Variants in DNA2 observed in about 807,000 individuals in gnomAD.
The protein encoded by DNA2 is DNA replication helicase/nuclease 2, also known as DNA replication ATP-dependent helicase/nuclease DNA2.
In DNA2, 101 loss-of-function variants were observed where a neutral mutation model predicts 119.1. The observed-to-expected ratio is 0.85, with a 90% CI of 0.72 to 1.00. The LOEUF (loss-of-function observed/expected upper bound fraction) is 1.00. Ranked by LOEUF, DNA2 falls within the 50% of genes least tolerant of loss-of-function variation. The pLI, the probability that DNA2 is intolerant of heterozygous loss-of-function variation, is 0.00. For synonymous variants in DNA2, 366 were observed against 424.4 expected (o/e 0.86, Z 1.69); for missense variants, 1,121 against 1,255.5 (o/e 0.89, Z 1.62).
chr10:68,448,418 T>A (rs1428670221), intron 6 of DNA2, among the ~76,000 whole-genome samples: 1 of 152,214 alleles, frequency 6.6e-6, no homozygotes, highest in Non-Finnish European at 1.5e-5. Flanking sequence ...TTCTTAAACC[T>A]TTTATTATCA....
intron 19 of DNA2, 48 bp downstream of exon 19, chr10:68,418,982 TAAAG>T (rs1262993035): frequency 1.6e-5 from 24 of 1,516,512 alleles, no homozygotes; most frequent in Non-Finnish European, 2.0e-5. Context: ...CCACAATTTT[TAAAG>T]AGAGAGAAAT....
chr10:68,459,266 G>T (rs2052225559), intron 4 of DNA2, 31 bp from the exon 5 acceptor site: 2 of 1,495,268 alleles, frequency 1.3e-6, no homozygotes, highest in South Asian at 1.3e-5. Context: ...AATAGACTTA[G>T]ACTTAAGCGG....
chr10:68,459,306 A>C (rs756087517), intron 4 of DNA2, 71 bp from the exon 5 acceptor site: 1 of 1,408,670 alleles, frequency 7.1e-7, no homozygotes, highest in Admixed American at 3.0e-5. Context: ...AGCGAATATG[A>C]AAGTATAAAT....
rs2051805372 is a variant in DNA2 at position 68,430,484 on chromosome 10, T to C, written c.2160A>G (p.Ser720=). 3 of 1,611,596 alleles carry C rather than the reference T, an allele frequency of 1.9e-6. No individual in the cohort carries two copies. The highest frequency in any genetic ancestry group is 2.7e-5 in the African/African-American group (2 of 74,924). Residue 720 remains serine, a synonymous_variant, in exon 14 of 21, where the codon TCA becomes TCG. Coordinates refer to ENST00000358410, the MANE Select transcript of DNA2 (RefSeq NM_001080449.3). ...QQFTEQEICR[S]KSIKSLALLE... is the part of the protein sequence containing the mutation. ...GAAGAGCTAAGGATTTAATGGACTT[T>C]GATCTGCAAATTTCTTGCTCTGTAA...
chr10:68,463,174 G>T (rs1223088896), intron 4 of DNA2, among the ~76,000 whole-genome samples: 1 of 151,634 alleles, frequency 6.6e-6, no homozygotes, highest in Non-Finnish European at 1.5e-5. Flanking sequence ...GCCGGACGCA[G>T]TGGCTCACAC....
intron 5 of DNA2, 102 bp from the exon 6 acceptor site, chr10:68,450,349 G>GA: frequency 1.1e-6 from 1 of 900,466 alleles, no homozygotes; most frequent in Non-Finnish European, 1.7e-6. Context: ...GTGGGGAGGG[G>GA]AAAGAGTCTA....
At chr10:68,420,322 A>T (rs777534393) in intron 17 of DNA2, among the ~76,000 whole-genome samples, 12 of 152,172 alleles carry the variant, frequency 7.9e-5, no homozygotes, top group Non-Finnish European at 1.6e-4. Context: ...GCGGATCACA[A>T]GGTCAGGAGT....
In DNA2 at chr10:68,414,979, G is replaced by T; in HGVS notation, c.*60C>A. 9.6e-7 allele frequency: 1 copy of T among 1,044,690 alleles called. No individual in the cohort carries two copies. Among genetic ancestry groups the T allele is most frequent in the Non-Finnish European group, 1.4e-6 (1 of 711,788 alleles). The allele number at this position is 1,044,690 out of a possible 1,614,324, so 64.7% of individuals were successfully genotyped here. The stretch of plus-strand genomic sequence containing the variant: ...ATTTTGTATGGTGATAGAATTTTCT[G>T]TATGGGCACTAGCTAGAGGAGATAC... On this transcript the variant is annotated 3_prime_UTR_variant, in exon 21 of 21. Coordinates refer to ENST00000358410, the MANE Select transcript of DNA2 (RefSeq NM_001080449.3).
At chr10:68,420,944 T>G (rs1320969846) in intron 17 of DNA2, among the ~76,000 whole-genome samples, 1 of 143,996 alleles carries the variant, frequency 6.9e-6, no homozygotes, top group Non-Finnish European at 1.5e-5. Context: ...AAAATAAAGC[T>G]TTTTTTTTTT....
intron 14 of DNA2, among the ~76,000 whole-genome samples, chr10:68,423,459 C>G (rs1213670353): frequency 2.0e-5 from 3 of 152,134 alleles, no homozygotes; most frequent in Non-Finnish European, 4.4e-5. Flanking sequence ...CTAAAAACAG[C>G]TGCAACCAAA....
intron 14 of DNA2, among the ~76,000 whole-genome samples, chr10:68,426,559 G>C (rs1194811839): frequency 6.7e-6 from 1 of 150,374 alleles, no homozygotes; most frequent in Non-Finnish European, 1.5e-5. Context: ...AAATAGGCCG[G>C]GCGTGGTGGC....
At chr10:68,437,669 A>AAAAACAAAAACAAAAAC (rs143334813) in intron 9 of DNA2, among the ~76,000 whole-genome samples, 1,645 of 147,672 alleles carry the variant, frequency 0.011, 42 homozygotes, top group African/African-American at 0.038. Flanking sequence ...AAACAAAAAC[A>AAAAACAAAAACAAAAAC]AAAACAAAAC....
intron 8 of DNA2, among the ~76,000 whole-genome samples, chr10:68,444,249 G>A (rs2052007962): frequency 1.3e-5 from 2 of 151,958 alleles, no homozygotes; most frequent in African/African-American, 4.8e-5. Context: ...AATTAGCTGG[G>A]TGCGGTGGCG....
chr10:68,428,766 G>A (rs10998157), intron 14 of DNA2, among the ~76,000 whole-genome samples: 9,642 of 152,204 alleles, frequency 0.063, 511 homozygotes, highest in African/African-American at 0.15. Flanking sequence ...CCAAATTATC[G>A]AAATGGAGAT....
chr10:68,431,886 T>C lies in DNA2; in HGVS notation c.1959A>G (p.Gly653=). ...CGAGAGTACATATCGTAGTTGTTTT[T>C]CCTGTCCCAGGCATACCCACGATGA... ...YTLIVGMPGT[G]KTTTICTLVR... The change falls in exon 13 of 21, where the codon GGA becomes GGG. Residue 653 remains glycine, a synonymous_variant. Transcript: ENST00000358410. 6.2e-7 allele frequency: 1 copy of C among 1,613,370 alleles called. No homozygotes were observed. Among genetic ancestry groups the C allele is most frequent in the Admixed American group, 1.7e-5 (1 of 59,942 alleles).
At chr10:68,427,159 A>G (rs1179685324) in intron 14 of DNA2, among the ~76,000 whole-genome samples, 2 of 151,690 alleles carry the variant, frequency 1.3e-5, no homozygotes, top group Non-Finnish European at 2.9e-5. Flanking sequence ...ACCTGAGGTC[A>G]AGAGTTCGAG....
chr10:68,449,583 G>A (rs985987926), intron 6 of DNA2, among the ~76,000 whole-genome samples: 21 of 152,046 alleles, frequency 1.4e-4, no homozygotes, highest in Middle Eastern at 3.4e-3. Context: ...TCGAGACCAG[G>A]CTGGGCAACA....
chr10:68,440,882 C>A (rs111796791), intron 9 of DNA2, among the ~76,000 whole-genome samples: 2 of 152,028 alleles, frequency 1.3e-5, no homozygotes, highest in Non-Finnish European at 2.9e-5. Flanking sequence ...AAAAATACTA[C>A]GCAAAGATAA....
intron 9 of DNA2, among the ~76,000 whole-genome samples, chr10:68,442,089 A>T (rs2051976450): frequency 6.6e-6 from 1 of 151,878 alleles, no homozygotes; most frequent in Non-Finnish European, 1.5e-5. Context: ...TAATTTTTGT[A>T]TTTTTTGTAG....
Sources: gnomAD v4.1 joint callset for allele counts (sites outside exome capture counted in the v4.1 genomes callset) on GRCh38, gnomAD v4.1.1 for gene constraint, MANE v1.5 for transcripts, NCBI Gene and HGNC (gene_info 2026-07-23, HGNC 2026-07-21) for gene names.